TBC1D31: variants seen among roughly 807,000 people sequenced by gnomAD.
The protein encoded by TBC1D31 is TBC1 domain family member 31, also known as WD repeat domain 67.
Under a neutral mutation model 132.9 loss-of-function variants are expected in TBC1D31, and 99 were observed. The ratio of observed to expected loss-of-function variants is 0.74; its 90% CI spans 0.63 to 0.88. TBC1D31 has a LOEUF of 0.88. Among genes scored for constraint, TBC1D31 ranks in the 40% least tolerant of loss-of-function variants. The pLI is 0.00. For missense variants in TBC1D31, 1,134 were observed against 1,256.6 expected (o/e 0.90, Z 1.48); for synonymous variants, 385 against 419.4 (o/e 0.92, Z 1.00).
At chr8:123,154,535 A>G (rs1822938319), downstream of TBC1D31, among the ~76,000 whole-genome samples, 1 of 152,150 alleles carries the variant, frequency 6.6e-6, no homozygotes, top group African/African-American at 2.4e-5. Flanking sequence ...GGCTGGTAAA[A>G]ATGCACAGGG....
chr8:123,134,028 G>A (rs1820855653), intron 16 of TBC1D31, 86 bp from the exon 17 acceptor site: 1 of 987,582 alleles, frequency 1.0e-6, no homozygotes, highest in Middle Eastern at 2.5e-4. Context: ...CTGTTAGTAG[G>A]TCGTTCAGAT....
chr8:123,086,332 T>C (rs1475608195), intron 4 of TBC1D31, among the ~76,000 whole-genome samples: 2 of 152,144 alleles, frequency 1.3e-5, no homozygotes, highest in Non-Finnish European at 1.5e-5. Context: ...ATACATTATC[T>C]CAACTCAGTC....
chr8:123,159,821 T>C, the TBC1D31 span, among the ~76,000 whole-genome samples: 1 of 151,370 alleles, frequency 6.6e-6, no homozygotes, highest in Non-Finnish European at 1.5e-5. Flanking sequence ...GATCAATGAT[T>C]AATACGCTGA....
chr8:123,093,624 A>G lies in TBC1D31; in HGVS notation c.553A>G (p.Ser185Gly). 1 of 1,611,066 alleles carries G rather than the reference A, an allele frequency of 6.2e-7. No individual in the cohort carries two copies. Among genetic ancestry groups the G allele is most frequent in the Non-Finnish European group, 8.5e-7 (1 of 1,177,982 alleles). ...FFLPLSNTIL[S>G]CFKDNSIFAW... The stretch of plus-strand genomic sequence containing the variant: ...TCTACCATTAAGTAATACCATCCTC[A>G]GCTGTTTTAAAGATAATTCCATTTT... Residue 185 changes from serine to glycine, a missense_variant, in exon 5 of 22, where the codon AGC becomes GGC. Coordinates refer to ENST00000287380, the MANE Select transcript of TBC1D31 (RefSeq NM_145647.4).
chr8:123,134,130 G>C lies in TBC1D31; in HGVS notation c.2423G>C (p.Arg808Pro). The change falls in exon 17 of 22, where the codon CGA (arginine) becomes CCA (proline). Residue 808 changes from arginine to proline, a missense_variant. Physicochemically the swap from Arg to Pro is moderately radical, Grantham distance 103. Transcript: ENST00000287380. ...TGGCCATAGGTATATATGAGAGATCGAGAAATTGCTGCCACAGCCAGAGAC... is the reference window on the plus strand; with the variant it reads ...TGGCCATAGGTATATATGAGAGATCCAGAAATTGCTGCCACAGCCAGAGAC... The part of the protein sequence containing the change: ...EIGRKVYMRD[R>P]EIAATARDLE... The C allele has an allele frequency of 6.2e-7, 1 of 1,613,760 alleles. No individual in the cohort carries two copies. The highest frequency in any genetic ancestry group is 8.5e-7 in the Non-Finnish European group (1 of 1,179,780).
chr8:123,120,083 G>A lies in TBC1D31; in HGVS notation c.1465G>A (p.Val489Ile), dbSNP rs751346549. The A allele has an allele frequency of 1.0e-5, 16 of 1,607,924 alleles. No individual in the cohort carries two copies. The highest frequency in any genetic ancestry group is 1.3e-5 in the African/African-American group (1 of 74,754). ...RTLSALAHWS[V>I]IFSDTPYLPL... ...CTTATCTGCATTAGCTCACTGGTCT[G>A]TCATTTTTAGTGACACACCATATCT... is the stretch of plus-strand genomic sequence containing the variant. Residue 489 changes from valine to isoleucine, a missense_variant, in exon 11 of 22, where the codon GTC becomes ATC. By Grantham distance (29) the Val-to-Ile change is conservative. Transcript: ENST00000287380.
At chr8:123,152,778 G>A (rs1007240991), downstream of TBC1D31, among the ~76,000 whole-genome samples, 3 of 152,094 alleles carry the variant, frequency 2.0e-5, no homozygotes, top group African/African-American at 4.8e-5. Context: ...GGCAGGGGGA[G>A]GGGAATCACT....
In TBC1D31 at chr8:123,072,802, C is replaced by A; in HGVS notation, c.33C>A (p.Ser11Arg). The A allele has an allele frequency of 6.4e-7, 1 of 1,574,302 alleles. No homozygotes were observed. The change falls in exon 1 of 22, where the codon AGC (serine) becomes AGA (arginine). Residue 11 changes from serine (S) to arginine (R), a missense_variant. Ser to Arg is a moderately radical substitution (Grantham distance 110). Transcript: ENST00000287380. MQSTDLGNKE[S>R]GKIWHRKPSP... ...GCACTGACCTAGGCAACAAGGAGAG[C>A]GGCAAGATATGGCACCGCAAGCCGT...
the TBC1D31 span, among the ~76,000 whole-genome samples, chr8:123,161,834 T>C: frequency 2.6e-5 from 4 of 151,712 alleles, no homozygotes; most frequent in Middle Eastern, 6.8e-3. Context: ...CTGGCCAACA[T>C]GGTGAAACCC....
intron 14 of TBC1D31, 111 bp from the exon 15 acceptor site, chr8:123,128,955 A>G: frequency 1.5e-6 from 1 of 681,826 alleles, no homozygotes; most frequent in Non-Finnish European, 2.3e-6. Flanking sequence ...AAGATAGTTA[A>G]TTCTTGCATA....
intron 15 of TBC1D31, 102 bp downstream of exon 15, chr8:123,129,320 A>G: frequency 4.1e-6 from 3 of 729,876 alleles, no homozygotes; most frequent in Non-Finnish European, 4.1e-6. Flanking sequence ...TATATATAGG[A>G]TTACCCAGCT....
At chr8:123,090,806 A>T (rs1383001104) in intron 4 of TBC1D31, among the ~76,000 whole-genome samples, 4 of 152,046 alleles carry the variant, frequency 2.6e-5, no homozygotes, top group Non-Finnish European at 5.9e-5. Context: ...ACAAAAAATT[A>T]GCCGGGCATG....
At chr8:123,158,313 A>G in the TBC1D31 span, among the ~76,000 whole-genome samples, 1 of 152,228 alleles carries the variant, frequency 6.6e-6, no homozygotes, top group South Asian at 2.1e-4. Context: ...AATCAGCCAG[A>G]CAGTGGCACA....
intron 17 of TBC1D31, 30 bp from the exon 18 acceptor site, chr8:123,140,731 G>A: frequency 6.4e-7 from 1 of 1,562,730 alleles, no homozygotes; most frequent in Admixed American, 2.0e-5. Context: ...ATATAAATTA[G>A]TGATTTTTTT....
Position 123,101,011 on chromosome 8 carries a change from T to C in TBC1D31, c.1032+4T>C, listed in dbSNP as rs747710942. 6.3e-7 allele frequency: 1 copy of C among 1,598,596 alleles called. No individual in the cohort carries two copies. The highest frequency in any genetic ancestry group is 8.6e-7 in the Non-Finnish European group (1 of 1,166,132). ...TTTAACACAAGAAATAAATAAGGTA[T>C]GTATGATGAAGTAATCAACATCAGC... On this transcript the variant is annotated splice_donor_region_variant and intron_variant, in intron 7 of 21. Coordinates refer to ENST00000287380, the MANE Select transcript of TBC1D31 (RefSeq NM_145647.4).
chr8:123,119,911 C>A, intron 10 of TBC1D31, 144 bp from the exon 11 acceptor site: 1 of 617,600 alleles, frequency 1.6e-6, no homozygotes, highest in Non-Finnish European at 2.6e-6. Flanking sequence ...ATACTTTTAA[C>A]AATGGTTACT....
chr8:123,130,161 G>T (rs1353932571), intron 15 of TBC1D31, 37 bp from the exon 16 acceptor site: 8 of 1,584,414 alleles, frequency 5.0e-6, no homozygotes, highest in Non-Finnish European at 6.9e-6. Flanking sequence ...ATTAGGAATT[G>T]CTGTATTTGT....
At chr8:123,098,173 A>G (rs1411074029) in intron 6 of TBC1D31, among the ~76,000 whole-genome samples, 1 of 152,236 alleles carries the variant, frequency 6.6e-6, no homozygotes, top group Non-Finnish European at 1.5e-5. Flanking sequence ...AACAGCATAC[A>G]GTAGGAAGTC....
rs1428044099 is a variant in TBC1D31 at position 123,109,576 on chromosome 8, GAAATACCCCATCA to G, written c.1396_1408del (p.Tyr466ValfsTer15). 6.2e-7 allele frequency: 1 copy of G among 1,613,872 alleles called. No individual in the cohort carries two copies. The highest frequency in any genetic ancestry group is 8.5e-7 in the Non-Finnish European group (1 of 1,179,944). The stretch of plus-strand genomic sequence containing the variant: ...ATGTGGCATTTCTCAACCTTCAGAA[GAAATACCCCATCA>G]AAAGTAGGAAGCTACTCAGAGTATT... On this transcript the variant is annotated frameshift_variant, in exon 10 of 22. Transcript: ENST00000287380. LOFTEE classifies it high-confidence loss of function.
Sources: allele counts gnomAD v4.1 joint callset (sites outside exome capture counted in the v4.1 genomes callset), GRCh38; gene constraint gnomAD v4.1.1; transcripts MANE v1.5; gene names NCBI Gene and HGNC (gene_info 2026-07-23, HGNC 2026-07-21).